DPP6: variants seen among roughly 807,000 people sequenced by gnomAD.
DPP6 encodes the protein dipeptidyl peptidase like 6, also known as A-type potassium channel modulatory protein DPP6.
A neutral mutation model predicts 122.6 loss-of-function variants in DPP6; 69 were observed. The observed-to-expected ratio is 0.56, with a 90% CI of 0.46 to 0.69. The LOEUF is 0.69. DPP6 is among the 30% of genes least tolerant of loss of function. DPP6 has a pLI of 0.00. For missense variants in DPP6, 928 were observed against 1,116.9 expected (o/e 0.83, Z 2.41); for synonymous variants, 418 against 433.1 (o/e 0.97, Z 0.43).
At chr7:154,147,669 TG>T in intron 1 of DPP6, among the ~76,000 whole-genome samples, 1 of 151,064 alleles carries the variant, frequency 6.6e-6, no homozygotes, top group African/African-American at 2.4e-5. Flanking sequence ...TGTGTGTGTG[TG>T]TGTGTGTATA....
chr7:154,874,770 T>A (rs574745433), intron 19 of DPP6, among the ~76,000 whole-genome samples: 1 of 152,300 alleles, frequency 6.6e-6, no homozygotes, highest in East Asian at 1.9e-4. Context: ...GACCTGGGGC[T>A]GACTTTCTCT....
chr7:154,274,322 A>G (rs1803988577), intron 1 of DPP6, among the ~76,000 whole-genome samples: 2 of 152,200 alleles, frequency 1.3e-5, no homozygotes, highest in African/African-American at 2.4e-5. Flanking sequence ...TCATATCACT[A>G]TTCTTATCAT....
At chr7:154,536,711 A>G (rs1360944082) in intron 3 of DPP6, among the ~76,000 whole-genome samples, 1 of 152,222 alleles carries the variant, frequency 6.6e-6, no homozygotes, top group Non-Finnish European at 1.5e-5. Context: ...ATAATTTCAC[A>G]GTGTAGTATC....
intron 1 of DPP6, among the ~76,000 whole-genome samples, chr7:154,318,575 A>G (rs2151013048): frequency 6.6e-6 from 1 of 152,338 alleles, no homozygotes; most frequent in African/African-American, 2.4e-5. Flanking sequence ...AAATCCCTTG[A>G]CTGATACTTG....
chr7:154,725,549 G>C (rs561885567), intron 7 of DPP6, among the ~76,000 whole-genome samples: 1 of 152,068 alleles, frequency 6.6e-6, no homozygotes, highest in African/African-American at 2.4e-5. Flanking sequence ...AGAGCAAGGG[G>C]AAAATCCACC....
chr7:154,353,414 G>C (rs1811034634), intron 1 of DPP6, among the ~76,000 whole-genome samples: 1 of 152,076 alleles, frequency 6.6e-6, no homozygotes, highest in South Asian at 2.1e-4. Flanking sequence ...CTGCAAAGTG[G>C]GAGGGCATTT....
the DPP6 span, among the ~76,000 whole-genome samples, chr7:153,820,695 A>C: frequency 7.3e-3 from 1,109 of 152,280 alleles, 42 homozygotes; most frequent in Admixed American, 0.059. Flanking sequence ...CCGAAAAAAG[A>C]AAATCAGTTT....
At chr7:153,871,867 C>T in the DPP6 span, among the ~76,000 whole-genome samples, 2 of 152,154 alleles carry the variant, frequency 1.3e-5, no homozygotes, top group Admixed American at 1.3e-4. Context: ...CTTCTTTTTG[C>T]TACTGTTTGT....
At chr7:154,009,547 T>C (rs1368114857) in intron 1 of DPP6, among the ~76,000 whole-genome samples, 1 of 151,830 alleles carries the variant, frequency 6.6e-6, no homozygotes, top group African/African-American at 2.4e-5. Context: ...GCTAATGAGA[T>C]GGAAAGCAGG....
At chr7:154,464,176 A>G (rs965658440) in intron 2 of DPP6, among the ~76,000 whole-genome samples, 1 of 152,212 alleles carries the variant, frequency 6.6e-6, no homozygotes, top group Non-Finnish European at 1.5e-5. Context: ...GGCTGGTCTC[A>G]GTGCTCCGTC....
At chr7:154,168,219 C>T (rs375147824) in intron 1 of DPP6, among the ~76,000 whole-genome samples, 9 of 152,146 alleles carry the variant, frequency 5.9e-5, no homozygotes, top group East Asian at 1.9e-4. Flanking sequence ...CCCAGACAGA[C>T]GAGAGGGAAA....
At chr7:154,554,488 T>C (rs1314110638) in intron 4 of DPP6, among the ~76,000 whole-genome samples, 1 of 152,186 alleles carries the variant, frequency 6.6e-6, no homozygotes, top group African/African-American at 2.4e-5. Flanking sequence ...TATCTCTTTT[T>C]TCCCTAACAA....
chr7:154,521,293 C>G (rs1404912267), intron 3 of DPP6, among the ~76,000 whole-genome samples: 1 of 151,754 alleles, frequency 6.6e-6, no homozygotes, highest in African/African-American at 2.4e-5. Context: ...CTACTTAACT[C>G]TATATTTTCT....
Position 153,947,342 on chromosome 7 carries a change from G to A in DPP6, c.51+59608G>A, listed in dbSNP as rs573045941. On this transcript the variant is annotated intron_variant, in intron 1 of 25. Transcript: ENST00000404039. ...TCGGCTGGGTTCATTCCAGGGCTGC[G>A]AGGGAGGGTCTGTCTCAGGCCTGTC... 1.4e-4 allele frequency among the ~76,000 whole-genome samples: 21 copies of A among 152,258 alleles called. No individual in the cohort carries two copies. The South Asian group carries it at 3.7e-3, about 27-fold the overall frequency.
At chr7:154,732,212 T>G (rs1309024042) in intron 8 of DPP6, among the ~76,000 whole-genome samples, 1 of 151,990 alleles carries the variant, frequency 6.6e-6, no homozygotes, top group Non-Finnish European at 1.5e-5. Flanking sequence ...GCTAATTTTT[T>G]TTTTTTGGTA....
intron 1 of DPP6, among the ~76,000 whole-genome samples, chr7:154,278,249 C>T (rs1028717158): frequency 1.3e-4 from 20 of 152,292 alleles, no homozygotes; most frequent in African/African-American, 4.1e-4. Flanking sequence ...CCATGGCCAG[C>T]GACCAACTTG....
chr7:153,928,395 C>CCTTTTTTTTTTTTTTTTTTTTTTTT (rs1467865041), intron 1 of DPP6, among the ~76,000 whole-genome samples: 2 of 29,994 alleles, frequency 6.7e-5, no homozygotes, highest in Non-Finnish European at 1.3e-4. Flanking sequence ...TCTTTTCTTT[C>CCTTTTTTTTTTTTTTTTTTTTTTTT]ATTTTTTTTT....
chr7:154,540,469 G>A (rs562217723), intron 3 of DPP6, 63 bp from the exon 4 acceptor site: 26 of 1,043,986 alleles, frequency 2.5e-5, no homozygotes, highest in African/African-American at 7.9e-5. Context: ...ATAAGCATTC[G>A]TCAAAAGTTG....
chr7:154,497,120 C>A (rs1018168764), intron 3 of DPP6, among the ~76,000 whole-genome samples: 2 of 152,106 alleles, frequency 1.3e-5, no homozygotes, highest in African/African-American at 4.8e-5. Flanking sequence ...AGCTCAATAC[C>A]AGGCAGAACT....
Sources: allele counts gnomAD v4.1 joint callset (sites outside exome capture counted in the v4.1 genomes callset), GRCh38; gene constraint gnomAD v4.1.1; transcripts MANE v1.5; gene names NCBI Gene and HGNC (gene_info 2026-07-23, HGNC 2026-07-21).